REV1: variants seen among roughly 807,000 people sequenced by gnomAD.
REV1 encodes the protein REV1 DNA directed polymerase.
In REV1, 42 loss-of-function variants were observed where a neutral mutation model predicts 137.4. The observed-to-expected ratio is 0.31, with a 90% confidence interval of 0.24 to 0.40. REV1 has a LOEUF of 0.40. Ranked by LOEUF, REV1 falls within the 10% of genes least tolerant of loss-of-function variation. The pLI, the probability that REV1 is intolerant of heterozygous loss-of-function variation, is 1.00. For missense variants in REV1, 1,282 were observed against 1,490.1 expected, an observed-to-expected ratio of 0.86 and a Z score of 2.30; for synonymous variants, 524 against 519.2, an observed-to-expected ratio of 1.01 and a Z score of -0.12.
intron 1 of REV1, among the ~76,000 whole-genome samples, chr2:99,468,235 C>T (rs1685038590): frequency 6.6e-6 from 1 of 151,770 alleles, no homozygotes. Context: ...GCTGTTTCTG[C>T]TAATCAGCAG....
chr2:99,462,877 C>G (rs1171379435), intron 2 of REV1: 3 of 298,198 alleles, frequency 1.0e-5, no homozygotes, highest in Non-Finnish European at 1.2e-5. Flanking sequence ...CACCTGAGAT[C>G]AGGAGTTTGA....
chr2:99,489,186 T>G (rs559501606), intron 1 of REV1, among the ~76,000 whole-genome samples: 7 of 152,238 alleles, frequency 4.6e-5, no homozygotes, highest in Admixed American at 2.6e-4. Flanking sequence ...GCCCAGCGTA[T>G]TTAGCGAACG....
rs182634516 is a variant in REV1 at position 99,408,162 on chromosome 2, T to G, written c.2346-31A>C. On this transcript the variant is annotated intron_variant, in intron 14 of 22. Coordinates refer to ENST00000258428, the MANE Select transcript of REV1 (RefSeq NM_016316.4). ...AGTGATAGAATTAAAAAACAAAAGC[T>G]TCATTCCATATGTATTCACTAGTAC... The G allele has an allele frequency of 7.3e-6, 10 of 1,369,414 alleles. No homozygotes were observed. In the African/African-American group the frequency reaches 1.0e-4, roughly 14 times the overall value. 84.8% of individuals were successfully genotyped at this position (1,369,414 alleles called of 1,614,324 possible). A position where few individuals can be genotyped will look rare whatever the true frequency, so the allele number is the denominator to read the frequency against.
chr2:99,466,035 G>A (rs909740830), intron 1 of REV1, among the ~76,000 whole-genome samples: 5 of 152,002 alleles, frequency 3.3e-5, no homozygotes, highest in South Asian at 2.1e-4. Flanking sequence ...TCCGCCTCCC[G>A]GGTTCACACC....
chr2:99,424,483 C>A lies in REV1; in HGVS notation c.1548-203G>T, dbSNP rs554515757. On this transcript the variant is annotated intron_variant, in intron 9 of 22. Coordinates refer to ENST00000258428, the MANE Select transcript of REV1 (RefSeq NM_016316.4). ...AACTGTCTGAATAGTGTAAATGACA[C>A]ATGTAGATGTGCCAACTATGTCATT... 8.6e-6 allele frequency: 5 copies of A among 581,782 alleles called. No homozygotes were observed. In the South Asian group the frequency reaches 1.0e-4, roughly 12 times the overall value. The allele number at this position is 581,782 out of a possible 1,614,324, so 36.0% of individuals were successfully genotyped here.
chr2:99,448,904 T>G (rs13427424), intron 4 of REV1, among the ~76,000 whole-genome samples: 26,492 of 152,266 alleles, frequency 0.17, 3,035 homozygotes, highest in African/African-American at 0.31. Context: ...GGCTATAGTA[T>G]TATCAACATG....
chr2:99,410,986 A>C (rs1677058821), intron 13 of REV1, 119 bp from the exon 14 acceptor site: 4 of 958,224 alleles, frequency 4.2e-6, no homozygotes, highest in Non-Finnish European at 5.9e-6. Context: ...CACGCTCAGC[A>C]TCTATTAAAA....
chr2:99,405,953 T>G lies in REV1; in HGVS notation c.2768A>C (p.Gln923Pro), dbSNP rs751273706. The change falls in exon 17 of 23, where the codon CAG becomes CCG. Residue 923 changes from glutamine (Q) to proline (P), a missense_variant. Coordinates refer to ENST00000258428, the MANE Select transcript of REV1 (RefSeq NM_016316.4). ...CTCTATACTCAGGTTAAGTCTCGAC[T>G]GCACACTGACAGGAGTATGTAGACC... ...WNGLHTPVSV[Q>P]SRLNLSIEVP... 1.9e-6 allele frequency: 3 copies of G among 1,611,334 alleles called. No homozygotes were observed. In the South Asian group the frequency reaches 3.3e-5, roughly 18 times the overall value.
chr2:99,466,706 A>C (rs1303925912), intron 1 of REV1, among the ~76,000 whole-genome samples: 2 of 152,236 alleles, frequency 1.3e-5, no homozygotes, highest in African/African-American at 4.8e-5. Flanking sequence ...GAGAGACAAG[A>C]TAATACAAAC....
At chr2:99,488,933 A>G (rs1030168817) in intron 1 of REV1, among the ~76,000 whole-genome samples, 1 of 152,222 alleles carries the variant, frequency 6.6e-6, no homozygotes, top group African/African-American at 2.4e-5. Context: ...AAATGAAACC[A>G]TTTCTACTTA....
At position 99,413,580 on chromosome 2, in the gene REV1, T is replaced by G. The variant is rs981972819; in HGVS notation, c.1952-629A>C. ...CAAAAGGATGATCTCTCTGAAGAGA[T>G]ATGAACTCTCCTACAGCTGGGCCAG... is the stretch of plus-strand genomic sequence containing the variant. On this transcript the variant is annotated intron_variant, in intron 12 of 22. Transcript: ENST00000258428. 7.9e-5 allele frequency among the ~76,000 whole-genome samples: 12 copies of G among 152,218 alleles called. No homozygotes were observed. The South Asian group carries it at 1.2e-3, about 16-fold the overall frequency.
At chr2:99,444,560 T>C (rs2104890601) in intron 4 of REV1, among the ~76,000 whole-genome samples, 1 of 152,334 alleles carries the variant, frequency 6.6e-6, no homozygotes, top group East Asian at 1.9e-4. Flanking sequence ...TGGAGACTGC[T>C]ACAAAATTAG....
intron 1 of REV1, among the ~76,000 whole-genome samples, chr2:99,467,273 A>C (rs75151665): frequency 2.0e-5 from 3 of 152,100 alleles, no homozygotes; most frequent in African/African-American, 7.2e-5. Flanking sequence ...AAAAAAAAAA[A>C]CAGCTATTAA....
At chr2:99,435,672 TA>T in intron 7 of REV1, 161 bp downstream of exon 7, 1 of 496,114 alleles carries the variant, frequency 2.0e-6, no homozygotes, top group Non-Finnish European at 3.6e-6. Context: ...AGAAAAACTC[TA>T]ATTTCCCTAT....
At position 99,405,521 on chromosome 2, in the gene REV1, A is replaced by T. The variant is rs28382962; in HGVS notation, c.2811+389T>A. 340 of 159,186 alleles carry T rather than the reference A, an allele frequency of 2.1e-3. 11 individuals are homozygous for T. In the East Asian group the frequency reaches 0.056, roughly 26 times the overall value. The allele number at this position is 159,186 out of a possible 1,614,324, so 9.9% of individuals were successfully genotyped here. A position where few individuals can be genotyped will look rare whatever the true frequency, so the allele number is the denominator to read the frequency against. ...ACACACGCTGAATTAAACCATCCAAATCTCCAGAGACCTGTTTGCAAATAC... is the reference window on the plus strand; with the variant it reads ...ACACACGCTGAATTAAACCATCCAATTCTCCAGAGACCTGTTTGCAAATAC... On this transcript the variant is annotated intron_variant, in intron 17 of 22. Coordinates refer to ENST00000258428, the MANE Select transcript of REV1 (RefSeq NM_016316.4).
intron 1 of REV1, among the ~76,000 whole-genome samples, chr2:99,478,713 C>G (rs72958359): frequency 0.017 from 2,664 of 152,270 alleles, 88 homozygotes; most frequent in African/African-American, 0.061. Context: ...AATTCTCACA[C>G]GTGAGCATGC....
intron 1 of REV1, among the ~76,000 whole-genome samples, chr2:99,483,679 G>C (rs1418254580): frequency 6.6e-6 from 1 of 152,048 alleles, no homozygotes; most frequent in Non-Finnish European, 1.5e-5. Flanking sequence ...ACTTTAAATC[G>C]TAATTTTACA....
chr2:99,446,447 A>C (rs1340364702), intron 4 of REV1, among the ~76,000 whole-genome samples: 1 of 152,192 alleles, frequency 6.6e-6, no homozygotes, highest in East Asian at 1.9e-4. Context: ...CGCATCTGGC[A>C]AAAAGAACAC....
chr2:99,408,893 T>C (rs1466664978), intron 14 of REV1, among the ~76,000 whole-genome samples: 1 of 152,216 alleles, frequency 6.6e-6, no homozygotes, highest in Non-Finnish European at 1.5e-5. Flanking sequence ...TTCCAGGCCA[T>C]TAAACAAGAA....
Sources: allele counts gnomAD v4.1 joint callset (sites outside exome capture counted in the v4.1 genomes callset), GRCh38; gene constraint gnomAD v4.1.1; transcripts MANE v1.5; gene names NCBI Gene and HGNC (gene_info 2026-07-23, HGNC 2026-07-21).